AGBL4: variants seen among roughly 807,000 people sequenced by gnomAD.
AGBL4 encodes cytosolic carboxypeptidase 6.
In AGBL4, 58 loss-of-function variants were observed where a neutral mutation model predicts 66.4. The ratio of observed to expected loss-of-function variants is 0.87; its 90% CI spans 0.71 to 1.09. AGBL4 has a LOEUF of 1.09. Among genes scored for constraint, AGBL4 ranks in the 50% least tolerant of loss-of-function variants. The pLI is 0.00. For missense variants in AGBL4, 579 were observed against 631.0 expected, an observed-to-expected ratio of 0.92 and a Z score of 0.88; for synonymous variants, 234 against 222.9, an observed-to-expected ratio of 1.05 and a Z score of -0.44.
chr1:49,934,824 C>CA (rs1196613164), intron 1 of AGBL4, among the ~76,000 whole-genome samples: 20,899 of 114,088 alleles, frequency 0.18, 2,117 homozygotes, highest in African/African-American at 0.33. Flanking sequence ...ATCAGAGATA[C>CA]AAAAAAAAAA....
intron 13 of AGBL4, 59 bp downstream of exon 13, chr1:48,534,831 C>T: frequency 3.3e-6 from 5 of 1,507,962 alleles, no homozygotes; most frequent in South Asian, 2.4e-5. Context: ...AGATACAGCC[C>T]TGGAGCACAT....
chr1:49,261,430 C>T (rs1162450043), intron 3 of AGBL4, among the ~76,000 whole-genome samples: 3 of 152,094 alleles, frequency 2.0e-5, no homozygotes, highest in Non-Finnish European at 4.4e-5. Context: ...AGCCCAAAAT[C>T]TCCTTAAGCT....
intron 11 of AGBL4, among the ~76,000 whole-genome samples, chr1:48,577,388 C>T (rs767956676): frequency 5.9e-5 from 9 of 152,158 alleles, no homozygotes; most frequent in Non-Finnish European, 7.3e-5. Flanking sequence ...TGGAGGCTTG[C>T]GGGTGCTGCT....
At chr1:49,184,735 T>C (rs960985818) in intron 4 of AGBL4, among the ~76,000 whole-genome samples, 1 of 152,196 alleles carries the variant, frequency 6.6e-6, no homozygotes, top group Non-Finnish European at 1.5e-5. Context: ...ATTTGTGCAG[T>C]ATAGAGGATA....
At chr1:49,978,227 T>C (rs536497865) in intron 1 of AGBL4, among the ~76,000 whole-genome samples, 25 of 152,234 alleles carry the variant, frequency 1.6e-4, no homozygotes, top group African/African-American at 5.5e-4. Context: ...GGCAGGAGGA[T>C]TGCTTGAGGC....
intron 3 of AGBL4, among the ~76,000 whole-genome samples, chr1:49,381,794 A>C (rs1219248282): frequency 1.4e-5 from 2 of 147,270 alleles, no homozygotes; most frequent in Admixed American, 7.0e-5. Flanking sequence ...GGAATTGAAC[A>C]ATGAGAACAC....
intron 2 of AGBL4, among the ~76,000 whole-genome samples, chr1:49,844,259 G>A (rs1646078600): frequency 1.3e-5 from 2 of 152,076 alleles, no homozygotes; most frequent in Admixed American, 6.5e-5. Flanking sequence ...CTTTTTCTCT[G>A]TTGCCACCTG....
chr1:49,027,115 G>A (rs1440442050), intron 5 of AGBL4, among the ~76,000 whole-genome samples: 1 of 152,070 alleles, frequency 6.6e-6, no homozygotes, highest in Non-Finnish European at 1.5e-5. Flanking sequence ...GTGGTAGAAG[G>A]AGCACAGCAT....
intron 1 of AGBL4, among the ~76,000 whole-genome samples, chr1:49,935,845 A>C (rs1387425728): frequency 6.6e-6 from 1 of 152,208 alleles, no homozygotes; most frequent in Non-Finnish European, 1.5e-5. Flanking sequence ...GTACGTCACC[A>C]TCATCAAAGA....
At chr1:49,764,119 C>G (rs1427752195) in intron 2 of AGBL4, among the ~76,000 whole-genome samples, 1 of 152,184 alleles carries the variant, frequency 6.6e-6, no homozygotes, top group African/African-American at 2.4e-5. Context: ...ACAGCAGCCC[C>G]ACACCTACCT....
intron 5 of AGBL4, among the ~76,000 whole-genome samples, chr1:48,992,195 G>A (rs1349142023): frequency 6.6e-6 from 1 of 151,858 alleles, no homozygotes; most frequent in Non-Finnish European, 1.5e-5. Flanking sequence ...AGTCCTTGTA[G>A]CCATATCTGC....
At chr1:49,802,009 G>T (rs1305726742) in intron 2 of AGBL4, among the ~76,000 whole-genome samples, 1 of 152,126 alleles carries the variant, frequency 6.6e-6, no homozygotes, top group Admixed American at 6.6e-5. Flanking sequence ...CTATTGCTAT[G>T]GAATAAAAGA....
chr1:49,608,833 A>C (rs1456440112), intron 3 of AGBL4, among the ~76,000 whole-genome samples: 1 of 152,176 alleles, frequency 6.6e-6, no homozygotes, highest in Non-Finnish European at 1.5e-5. Context: ...ATTTATTGAA[A>C]ATCTACAGTG....
chr1:50,014,126 A>T (rs1661754295), intron 1 of AGBL4, among the ~76,000 whole-genome samples: 1 of 152,094 alleles, frequency 6.6e-6, no homozygotes, highest in African/African-American at 2.4e-5. Context: ...TAATCCCAAC[A>T]CTTTGGGAGG....
intron 5 of AGBL4, among the ~76,000 whole-genome samples, chr1:48,956,142 T>A (rs12140723): frequency 6.6e-6 from 1 of 152,036 alleles, no homozygotes. Flanking sequence ...GGTAACAAAC[T>A]GCCTTGGATT....
intron 3 of AGBL4, among the ~76,000 whole-genome samples, chr1:49,563,142 T>A (rs1291903082): frequency 1.3e-5 from 2 of 151,926 alleles, no homozygotes; most frequent in East Asian, 3.9e-4. Context: ...ATGCTTGTGA[T>A]TTTTGCACAT....
At chr1:49,995,297 A>C (rs1398058341) in intron 1 of AGBL4, 1 of 454,492 alleles carries the variant, frequency 2.2e-6, no homozygotes, top group African/African-American at 2.0e-5. Flanking sequence ...AAATAAACTC[A>C]GTGCTATTGG....
chr1:49,565,684 G>C (rs1056567733), intron 3 of AGBL4, among the ~76,000 whole-genome samples: 2 of 152,166 alleles, frequency 1.3e-5, no homozygotes, highest in Non-Finnish European at 2.9e-5. Context: ...CTGTTAGTCT[G>C]ATGGGCTTCC....
At position 49,103,992 on chromosome 1, in the gene AGBL4, C is replaced by T. The variant is rs145556904; in HGVS notation, c.378-58192G>A. 6.8e-3 allele frequency among the ~76,000 whole-genome samples: 1,034 copies of T among 152,258 alleles called. 12 individuals are homozygous for T. The highest frequency in any genetic ancestry group is 9.6e-3 in the Non-Finnish European group (651 of 68,026). On this transcript the variant is annotated intron_variant, in intron 4 of 13. Transcript: ENST00000371839. ...TGGGTCCCAAACTAATCTGTGCACT[C>T]GCCATTCCACCGACTCATGTTCAGC...
Sources: allele counts gnomAD v4.1 joint callset (sites outside exome capture counted in the v4.1 genomes callset), GRCh38; gene constraint gnomAD v4.1.1; transcripts MANE v1.5; gene names NCBI Gene and HGNC (gene_info 2026-07-23, HGNC 2026-07-21).